The following MYO3B variants were observed in gnomAD, a reference collection of about 807,000 sequenced individuals.
The protein encoded by MYO3B is myosin-IIIb.
In MYO3B, 156 loss-of-function variants were observed where a neutral mutation model predicts 174.6. That is an observed-to-expected ratio of 0.89 (90% confidence interval 0.78 to 1.02). The LOEUF (loss-of-function observed/expected upper bound fraction) is 1.02. Among genes scored for constraint, MYO3B ranks in the 50% least tolerant of loss-of-function variants. The pLI, the probability that MYO3B is intolerant of heterozygous loss-of-function variation, is 0.00. For synonymous variants in MYO3B, 563 were observed against 569.1 expected (o/e 0.99, Z 0.15); for missense variants, 1,632 against 1,639.4 (o/e 1.00, Z 0.08).
chr2:170,203,495 C>CGGGGGG (rs1328744987), intron 3 of MYO3B, among the ~76,000 whole-genome samples: 4 of 3,474 alleles, frequency 1.2e-3, no homozygotes, highest in African/African-American at 2.8e-3. Context: ...CAAAAGGGGG[C>CGGGGGG]GGCGGGGGGG....
chr2:170,256,442 C>T (rs2093305288), intron 7 of MYO3B, among the ~76,000 whole-genome samples: 1 of 152,198 alleles, frequency 6.6e-6, no homozygotes, highest in Non-Finnish European at 1.5e-5. Flanking sequence ...GACTTCTCAA[C>T]AGATATCTTA....
chr2:170,399,242 CAAAAAAAAAAA>C (rs71399532), intron 16 of MYO3B, among the ~76,000 whole-genome samples: 1 of 15,608 alleles, frequency 6.4e-5, no homozygotes, highest in African/African-American at 2.0e-4. Flanking sequence ...AATTCCGTCT[CAAAAAAAAAAA>C]AAAAAAAAAA....
chr2:170,386,100 T>A (rs2094372175), intron 12 of MYO3B, 89 bp from the exon 13 acceptor site: 7 of 1,020,172 alleles, frequency 6.9e-6, no homozygotes, highest in Non-Finnish European at 1.0e-5. Context: ...AGTGAAAAAT[T>A]AAGGTGTACA....
chr2:170,615,381 C>T (rs540360614), intron 32 of MYO3B, among the ~76,000 whole-genome samples: 24 of 152,222 alleles, frequency 1.6e-4, no homozygotes, highest in East Asian at 5.8e-4. Context: ...CAAGTCAGGA[C>T]GGAGGGATAG....
intron 9 of MYO3B, among the ~76,000 whole-genome samples, chr2:170,377,149 C>T (rs1307453818): frequency 6.6e-6 from 1 of 152,170 alleles, no homozygotes; most frequent in Non-Finnish European, 1.5e-5. Flanking sequence ...GCAGCTCAAA[C>T]AAAGAAGCTA....
intron 32 of MYO3B, among the ~76,000 whole-genome samples, chr2:170,608,667 AAGAG>A (rs1013444433): frequency 1.5e-4 from 22 of 150,444 alleles, no homozygotes; most frequent in Middle Eastern, 3.5e-3. Flanking sequence ...TTCAAGCCCA[AAGAG>A]AGAGAGAGAG....
intron 7 of MYO3B, among the ~76,000 whole-genome samples, chr2:170,247,095 G>A (rs1282653107): frequency 6.6e-6 from 1 of 152,166 alleles, no homozygotes; most frequent in Non-Finnish European, 1.5e-5. Flanking sequence ...TTTCTATCCA[G>A]ACTCTTCTGC....
At chr2:170,509,092 C>T (rs780674609) in intron 28 of MYO3B, among the ~76,000 whole-genome samples, 2 of 152,220 alleles carry the variant, frequency 1.3e-5, no homozygotes, top group African/African-American at 2.4e-5. Flanking sequence ...CACAGTGGCT[C>T]AAGCATATAA....
chr2:170,230,364 G>T (rs1231298189), intron 6 of MYO3B, among the ~76,000 whole-genome samples: 26 of 6,216 alleles, frequency 4.2e-3, no homozygotes, highest in East Asian at 5.4e-3. Context: ...TTTTTTTTTA[G>T]TAGAGACGGG....
At chr2:170,461,786 A>G (rs1008215514) in intron 23 of MYO3B, among the ~76,000 whole-genome samples, 5 of 152,314 alleles carry the variant, frequency 3.3e-5, no homozygotes, top group Admixed American at 2.0e-4. Flanking sequence ...AAAAAAAAAA[A>G]AAAAAGAAGT....
intron 29 of MYO3B, among the ~76,000 whole-genome samples, chr2:170,516,737 A>G (rs1688338382): frequency 6.6e-6 from 1 of 152,082 alleles, no homozygotes; most frequent in Non-Finnish European, 1.5e-5. Flanking sequence ...GTATTGCTTT[A>G]CTTCATTAAA....
At chr2:170,427,627 A>C (rs144880917) in intron 22 of MYO3B, among the ~76,000 whole-genome samples, 294 of 152,314 alleles carry the variant, frequency 1.9e-3, no homozygotes, top group African/African-American at 6.9e-3. Flanking sequence ...TTTCCTGTGG[A>C]ATACTACCTA....
chr2:170,395,805 G>T (rs538028579), intron 16 of MYO3B, among the ~76,000 whole-genome samples: 4 of 152,092 alleles, frequency 2.6e-5, no homozygotes, highest in Non-Finnish European at 5.9e-5. Flanking sequence ...AAATTCCTAG[G>T]GATATACCAG....
intron 7 of MYO3B, among the ~76,000 whole-genome samples, chr2:170,275,047 A>G (rs764035910): frequency 6.6e-6 from 1 of 152,176 alleles, no homozygotes; most frequent in African/African-American, 2.4e-5. Flanking sequence ...AGTACTGATA[A>G]AAGCAAAATA....
intron 22 of MYO3B, among the ~76,000 whole-genome samples, chr2:170,416,545 A>G (rs1558980465): frequency 6.8e-6 from 1 of 146,548 alleles, no homozygotes; most frequent in African/African-American, 2.5e-5. Flanking sequence ...AAAAAAAAAG[A>G]TACCAACTAG....
At chr2:170,263,194 G>T (rs1348912014) in intron 7 of MYO3B, among the ~76,000 whole-genome samples, 1 of 152,154 alleles carries the variant, frequency 6.6e-6, no homozygotes, top group Non-Finnish European at 1.5e-5. Context: ...GCAGGGCTTG[G>T]CTAGACGGTT....
chr2:170,517,989 T>TTGTG (rs10606302), intron 29 of MYO3B, among the ~76,000 whole-genome samples: 337 of 149,510 alleles, frequency 2.3e-3, no homozygotes, highest in East Asian at 6.6e-3. Flanking sequence ...GCCATAATGT[T>TTGTG]TGTGTGTGTG....
chr2:170,248,053 C>T (rs2093211321), intron 7 of MYO3B, among the ~76,000 whole-genome samples: 1 of 152,104 alleles, frequency 6.6e-6, no homozygotes. Flanking sequence ...TTCATGGTTC[C>T]CAGCTCCCCC....
chr2:170,505,892 C>T (rs535558994), intron 28 of MYO3B, among the ~76,000 whole-genome samples: 1 of 152,322 alleles, frequency 6.6e-6, no homozygotes, highest in Admixed American at 6.5e-5. Flanking sequence ...AGGACATTTT[C>T]ATCTAATTGC....
Sources: allele counts gnomAD v4.1 joint callset (sites outside exome capture counted in the v4.1 genomes callset), GRCh38; gene constraint gnomAD v4.1.1; transcripts MANE v1.5; gene names NCBI Gene and HGNC (gene_info 2026-07-23, HGNC 2026-07-21).